VWA5B1: variants seen among roughly 807,000 people sequenced by gnomAD.
The protein encoded by VWA5B1 is von Willebrand factor A domain-containing protein 5B1.
Under a neutral mutation model 118.2 loss-of-function variants are expected in VWA5B1, and 115 were observed. That is an observed-to-expected ratio of 0.97 (90% confidence interval 0.84 to 1.14). The LOEUF (loss-of-function observed/expected upper bound fraction) is 1.14. VWA5B1 is among the 50% of genes most tolerant of loss of function. The pLI is 0.00. For synonymous variants in VWA5B1, 682 were observed against 658.4 expected (o/e 1.04, Z -0.55); for missense variants, 1,596 against 1,603.8 (o/e 1.00, Z 0.08).
intron 7 of VWA5B1, among the ~76,000 whole-genome samples, chr1:20,319,798 G>T (rs1427006065): frequency 6.6e-6 from 1 of 152,126 alleles, no homozygotes; most frequent in East Asian, 1.9e-4. Context: ...AATGGCCTTG[G>T]CCTCCTCCAG....
intron 1 of VWA5B1, among the ~76,000 whole-genome samples, chr1:20,303,845 C>G (rs991065568): frequency 6.6e-6 from 1 of 152,206 alleles, no homozygotes; most frequent in African/African-American, 2.4e-5. Flanking sequence ...CCAGCAGGGC[C>G]CCAGCAATCT....
In VWA5B1 at chr1:20,337,876, C is replaced by A. The variant is rs1438639350; in HGVS notation, c.2133+40C>A. ...CAGATTAGGGAGGAGCTGGGGAAGG[C>A]GACAGGCAGGGGAGAGCTGTGTCCC... On this transcript the variant is annotated intron_variant, in intron 14 of 21. Transcript: ENST00000289815. 3.2e-6 allele frequency: 5 copies of A among 1,550,380 alleles called. No homozygotes were observed. In the African/African-American group the frequency reaches 6.8e-5, roughly 21 times the overall value.
chr1:20,350,253 C>A, intron 19 of VWA5B1, 23 bp downstream of exon 19: 1 of 1,550,526 alleles, frequency 6.4e-7, no homozygotes, highest in Non-Finnish European at 8.7e-7. Flanking sequence ...GTGGCGCTGC[C>A]TCTTCATCAA....
At chr1:20,309,155 T>C (rs923200907) in intron 1 of VWA5B1, among the ~76,000 whole-genome samples, 5 of 152,168 alleles carry the variant, frequency 3.3e-5, no homozygotes, top group Admixed American at 2.0e-4. Flanking sequence ...TGCATTCTCT[T>C]ATTCATTCAA....
chr1:20,328,547 G>A (rs2100918608), intron 9 of VWA5B1, among the ~76,000 whole-genome samples: 1 of 152,220 alleles, frequency 6.6e-6, no homozygotes, highest in South Asian at 2.1e-4. Context: ...GAGGGAGGAA[G>A]GAAGGAAAGG....
intron 2 of VWA5B1, 119 bp downstream of exon 2, chr1:20,310,859 C>T (rs1024805782): frequency 3.7e-6 from 5 of 1,333,710 alleles, no homozygotes; most frequent in Non-Finnish European, 4.9e-6. Flanking sequence ...GAGTCTGTTT[C>T]CTCATCTATA....
chr1:20,291,387 T>TCTCTCTCTCTCTCTCTCTCTCTC lies in VWA5B1; in HGVS notation c.-27+299_-27+300insCTCTCTCTCTCTCTCTCTCTCTC, dbSNP rs57894456. ...TCTCTCTCTCTCTCTCTCTCTCTCTTTCTGTCTCCTCTATTTCTCTCCCTC... is the reference window on the plus strand; with the variant it reads ...TCTCTCTCTCTCTCTCTCTCTCTCTTCTCTCTCTCTCTCTCTCTCTCTCTCTGTCTCCTCTATTTCTCTCCCTC... On this transcript the variant is annotated intron_variant, in intron 1 of 21. Transcript: ENST00000289815. Among the ~76,000 whole-genome samples the TCTCTCTCTCTCTCTCTCTCTCTC allele has an allele frequency of 3.5e-4, 40 of 114,220 alleles. 2 individuals carry two copies. Among genetic ancestry groups the TCTCTCTCTCTCTCTCTCTCTCTC allele is most frequent in the East Asian group, 2.0e-3 (7 of 3,528 alleles). 74.9% of individuals were successfully genotyped at this position (114,220 alleles called of 152,430 possible). A position where few individuals can be genotyped will look rare whatever the true frequency, so the allele number is the denominator to read the frequency against.
Position 20,353,963 on chromosome 1 carries a change from C to G in VWA5B1, c.3348C>G (p.Ser1116=), listed in dbSNP as rs775757325. 13 of 1,551,718 alleles carry G rather than the reference C, an allele frequency of 8.4e-6. No homozygotes were observed. The highest frequency in any genetic ancestry group is 1.7e-4 in the Middle Eastern group (1 of 5,992). The change falls in exon 22 of 22, where the codon TCC becomes TCG. Residue 1116 remains serine (S), a synonymous_variant. Coordinates refer to ENST00000289815, the MANE Select transcript of VWA5B1 (RefSeq NM_001039500.3). The part of the protein sequence containing the change: ...PPRHPSCDSF[S]LEPLAKGKLG... Reference sequence around the variant, plus strand: ...GGCACCCGTCCTGTGACAGCTTCTCCCTGGAGCCTCTGGCCAAGGGCAAGC... The same window carrying G: ...GGCACCCGTCCTGTGACAGCTTCTCGCTGGAGCCTCTGGCCAAGGGCAAGC...
chr1:20,299,954 G>C (rs953530574), intron 1 of VWA5B1, among the ~76,000 whole-genome samples: 1 of 152,226 alleles, frequency 6.6e-6, no homozygotes, highest in African/African-American at 2.4e-5. Context: ...CCCTGCGTAA[G>C]AGCAGCTGGC....
rs1044316038 is a variant in VWA5B1 at position 20,319,507 on chromosome 1, G to A, written c.966+1G>A. 6.4e-7 allele frequency: 1 copy of A among 1,551,626 alleles called. No individual in the cohort carries two copies. The highest frequency in any genetic ancestry group is 1.4e-5 in the African/African-American group (1 of 73,174). On this transcript the variant is annotated splice_donor_variant, in intron 7 of 21. Transcript: ENST00000289815. LOFTEE classifies it high-confidence loss of function. ...GAAGAAGAGCAGAGCAGAGCGGAAG[G>A]TGAGGGCAACTGAGGTGGGGAGCGG...
At position 20,348,451 on chromosome 1, in the gene VWA5B1, A is replaced by G. The variant is rs2090055556; in HGVS notation, c.2878+93A>G. On this transcript the variant is annotated intron_variant, in intron 18 of 21. Coordinates refer to ENST00000289815, the MANE Select transcript of VWA5B1 (RefSeq NM_001039500.3). ...GCGTCCTCCTGTCCGAGGCCCTAGG[A>G]CCACTCTCTGAGTCTGCACTGTGGG... 6.1e-6 allele frequency: 8 copies of G among 1,318,976 alleles called. No homozygotes were observed. The East Asian group carries it at 2.0e-4, about 33-fold the overall frequency. The allele number at this position is 1,318,976 out of a possible 1,614,324, so 81.7% of individuals were successfully genotyped here.
At chr1:20,327,659 T>C (rs989816257) in intron 8 of VWA5B1, among the ~76,000 whole-genome samples, 5 of 151,058 alleles carry the variant, frequency 3.3e-5, no homozygotes, top group African/African-American at 9.8e-5. Context: ...ACGATGATGA[T>C]GATGATGGTG....
chr1:20,328,348 A>C (rs1010637497), intron 9 of VWA5B1, among the ~76,000 whole-genome samples: 1 of 152,184 alleles, frequency 6.6e-6, no homozygotes, highest in Non-Finnish European at 1.5e-5. Flanking sequence ...TGATGGACGC[A>C]TGCAAGGTTG....
chr1:20,291,948 G>A (rs1241442712), intron 1 of VWA5B1, among the ~76,000 whole-genome samples: 1 of 152,178 alleles, frequency 6.6e-6, no homozygotes, highest in Non-Finnish European at 1.5e-5. Context: ...CGGCACCACA[G>A]CAGCAGAAGG....
chr1:20,292,474 G>A (rs1406078045), intron 1 of VWA5B1, among the ~76,000 whole-genome samples: 5 of 152,254 alleles, frequency 3.3e-5, no homozygotes, highest in African/African-American at 4.8e-5. Flanking sequence ...TAGGGCATGT[G>A]TGTGTAAGGG....
rs774737473 is a variant in VWA5B1, at chr1:20,323,548, A to T, written c.1143+16A>T. The T allele has an allele frequency of 1.4e-6, 2 of 1,387,114 alleles. No homozygotes were observed. Among genetic ancestry groups the T allele is most frequent in the Middle Eastern group, 1.9e-4 (1 of 5,350 alleles). The allele number at this position is 1,387,114 out of a possible 1,614,324, so 85.9% of individuals were successfully genotyped here. On this transcript the variant is annotated intron_variant, in intron 8 of 21. Coordinates refer to ENST00000289815, the MANE Select transcript of VWA5B1 (RefSeq NM_001039500.3). ...CCGAGTCAAGGTACCTGCTGAGAGA[A>T]CCCCTCCCGAGGACCCGGGGCTCCA...
rs1034862723 is a variant in VWA5B1, at chr1:20,298,866, T to C, written c.-27+7778T>C. On this transcript the variant is annotated intron_variant, in intron 1 of 21. Coordinates refer to ENST00000289815, the MANE Select transcript of VWA5B1 (RefSeq NM_001039500.3). Reference sequence around the variant, plus strand: ...GACTCTCAAAGAGAGGGCTTTTCTCTTGCTTCTGTGGATGTGGGATACCGT... The same window carrying C: ...GACTCTCAAAGAGAGGGCTTTTCTCCTGCTTCTGTGGATGTGGGATACCGT... Among the ~76,000 whole-genome samples, 5 of 152,176 alleles carry C rather than the reference T, an allele frequency of 3.3e-5. No individual in the cohort carries two copies. In the South Asian group the frequency reaches 1.0e-3, roughly 32 times the overall value.
intron 1 of VWA5B1, among the ~76,000 whole-genome samples, chr1:20,297,726 T>G (rs4655185): frequency 0.045 from 6,919 of 152,262 alleles, 232 homozygotes; most frequent in Admixed American, 0.083. Context: ...GCCAGCAGGA[T>G]TGGCCTCTGC....
chr1:20,337,700 A>G lies in VWA5B1; in HGVS notation c.1997A>G (p.His666Arg). 1 of 1,551,634 alleles carries G rather than the reference A, an allele frequency of 6.4e-7. No homozygotes were observed. The highest frequency in any genetic ancestry group is 8.7e-7 in the Non-Finnish European group (1 of 1,146,970). ...TACAGCACCAACCAGATCACCAATCACAAGCCCCTCCCAAGAGCCACCATG... is the reference window on the plus strand; with the variant it reads ...TACAGCACCAACCAGATCACCAATCGCAAGCCCCTCCCAAGAGCCACCATG... Reference protein sequence around the residue: ...RAYSTNQITNHKPLPRATMAS... With the variant: ...RAYSTNQITNRKPLPRATMAS... The change falls in exon 14 of 22, where the codon CAC becomes CGC. Residue 666 changes from histidine (H) to arginine (R), a missense_variant. His to Arg is a conservative substitution (Grantham distance 29). Coordinates refer to ENST00000289815, the MANE Select transcript of VWA5B1 (RefSeq NM_001039500.3).
Sources: allele counts gnomAD v4.1 joint callset (sites outside exome capture counted in the v4.1 genomes callset), GRCh38; gene constraint gnomAD v4.1.1; transcripts MANE v1.5; gene names NCBI Gene and HGNC (gene_info 2026-07-23, HGNC 2026-07-21).